The following FCHO2 variants were observed in gnomAD, a reference collection of about 807,000 sequenced individuals.
FCHO2 encodes the protein FCH and mu domain containing endocytic adaptor 2, also known as F-BAR domain only protein 2.
In FCHO2, 43 loss-of-function variants were observed where a neutral mutation model predicts 114.1. The ratio of observed to expected loss-of-function variants is 0.38; its 90% CI spans 0.30 to 0.49. FCHO2 has a LOEUF of 0.49. Among genes scored for constraint, FCHO2 ranks in the 20% least tolerant of loss-of-function variants. FCHO2 has a pLI of 0.97. For missense variants in FCHO2, 807 were observed against 950.4 expected (o/e 0.85, Z 1.98); for synonymous variants, 293 against 315.2 (o/e 0.93, Z 0.75).
rs1743354783 is a variant in FCHO2 at position 73,087,646 on chromosome 5, C to T, written c.2303C>T (p.Thr768Ile). The change falls in exon 25 of 26, where the codon ACA (threonine) becomes ATA (isoleucine). Residue 768 changes from threonine to isoleucine, a missense_variant. Transcript: ENST00000430046. ...DLSEGPSKPTTLAVQFLSEGS... is the reference protein window; with the variant it reads ...DLSEGPSKPTILAVQFLSEGS... ...TCAGAAGGACCTAGTAAACCCACGA[C>T]ACTTGCAGTACAATTCCTCAGCGAG... 1.2e-6 allele frequency: 2 copies of T among 1,613,926 alleles called. No individual in the cohort carries two copies. The highest frequency in any genetic ancestry group is 1.3e-5 in the African/African-American group (1 of 75,044).
chr5:72,998,979 A>G (rs1754281704), intron 5 of FCHO2, among the ~76,000 whole-genome samples: 1 of 151,782 alleles, frequency 6.6e-6, no homozygotes, highest in Non-Finnish European at 1.5e-5. Flanking sequence ...CACAGGTGTG[A>G]ATCATCAGGC....
chr5:73,082,902 T>G, intron 24 of FCHO2, 77 bp downstream of exon 24: 11 of 1,196,986 alleles, frequency 9.2e-6, no homozygotes, highest in Non-Finnish European at 1.3e-5. Context: ...TAAAACAGAG[T>G]CTAGCTTTGT....
intron 8 of FCHO2, among the ~76,000 whole-genome samples, chr5:73,032,510 G>C (rs181548665): frequency 6.6e-6 from 1 of 152,168 alleles, no homozygotes; most frequent in Admixed American, 6.5e-5. Context: ...TGTTTAAAGG[G>C]ACTGATTTTA....
At chr5:73,024,428 C>CT (rs531079627) in intron 8 of FCHO2, among the ~76,000 whole-genome samples, 1,951 of 144,530 alleles carry the variant, frequency 0.013, 14 homozygotes, top group Non-Finnish European at 0.021. Context: ...AGCAGTGAGA[C>CT]TTTTTTTTTT....
At chr5:73,002,642 A>C (rs767681300) in intron 5 of FCHO2, among the ~76,000 whole-genome samples, 3 of 152,234 alleles carry the variant, frequency 2.0e-5, no homozygotes, top group African/African-American at 7.2e-5. Context: ...GATTTATTCA[A>C]ATATTTTTCT....
chr5:73,004,212 T>C (rs1754594420), intron 5 of FCHO2, among the ~76,000 whole-genome samples: 1 of 152,176 alleles, frequency 6.6e-6, no homozygotes, highest in Non-Finnish European at 1.5e-5. Flanking sequence ...TATAATTGTT[T>C]TTAAAATAAA....
chr5:72,985,968 C>G (rs1753499050), intron 2 of FCHO2, among the ~76,000 whole-genome samples: 1 of 152,046 alleles, frequency 6.6e-6, no homozygotes, highest in African/African-American at 2.4e-5. Flanking sequence ...CTCATTCTTT[C>G]TCTTTACTCA....
chr5:72,976,335 T>A (rs1464901734), intron 2 of FCHO2, among the ~76,000 whole-genome samples: 1 of 152,136 alleles, frequency 6.6e-6, no homozygotes, highest in Non-Finnish European at 1.5e-5. Context: ...TTGCCCAGCC[T>A]TGCAAAGTGC....
Position 72,956,115 on chromosome 5 carries a change from G to C in FCHO2, c.19G>C (p.Val7Leu), listed in dbSNP as rs1441030869. The C allele has an allele frequency of 6.5e-7, 1 of 1,541,834 alleles. No homozygotes were observed. Among genetic ancestry groups the C allele is most frequent in the Admixed American group, 2.0e-5 (1 of 50,190 alleles). The change falls in exon 1 of 26, where the codon GTC becomes CTC. Residue 7 changes from valine to leucine, a missense_variant. By Grantham distance (32) the Val-to-Leu change is conservative (BLOSUM62 1). Coordinates refer to ENST00000430046, the MANE Select transcript of FCHO2 (RefSeq NM_138782.3). MVMAYF[V>L]ENFWGEKNSG... ...CGGCACGATGGTCATGGCGTATTTC[G>C]TCGAGAATTTTTGGGTAAGCTTAGG...
intron 8 of FCHO2, among the ~76,000 whole-genome samples, chr5:73,027,969 G>A (rs1273375876): frequency 1.3e-5 from 2 of 152,140 alleles, no homozygotes; most frequent in East Asian, 1.9e-4. Flanking sequence ...AGGCCAAGAT[G>A]TGTGGATTCC....
At position 73,024,345 on chromosome 5, in the gene FCHO2, A is replaced by G. The variant is rs963866570; in HGVS notation, c.796+7037A>G. Among the ~76,000 whole-genome samples, 15 of 152,020 alleles carry G rather than the reference A, an allele frequency of 9.9e-5. No homozygotes were observed. The East Asian group carries it at 2.9e-3, about 29-fold the overall frequency. ...CTGAAGTGCTGGGATTACAGGTGTG[A>G]GCCACTGTGCCTGGCTCATGTTTAT... On this transcript the variant is annotated intron_variant, in intron 8 of 25. Transcript: ENST00000430046.
chr5:73,090,448 A>T lies in FCHO2; in HGVS notation c.*2358A>T, dbSNP rs569693128. 1 of 152,706 alleles carries T rather than the reference A, an allele frequency of 6.5e-6. No individual in the cohort carries two copies. 9.5% of individuals were successfully genotyped at this position (152,706 alleles called of 1,614,324 possible). A position where few individuals can be genotyped will look rare whatever the true frequency, so the allele number is the denominator to read the frequency against. On this transcript the variant is annotated 3_prime_UTR_variant, in exon 26 of 26. Transcript: ENST00000430046. ...ATCTGTCTTCCAAGATTTTGTAAAT[A>T]TTTTTGATTTTTTTCATTAAATGTA...
At position 73,055,917 on chromosome 5, in the gene FCHO2, C is replaced by T. The variant is rs1020815262; in HGVS notation, c.1211-148C>T. The T allele has an allele frequency of 3.7e-5, 20 of 547,724 alleles. No individual in the cohort carries two copies. In the East Asian group the frequency reaches 6.5e-4, roughly 18 times the overall value. The allele number at this position is 547,724 out of a possible 1,614,324, so 33.9% of individuals were successfully genotyped here. On this transcript the variant is annotated intron_variant, in intron 15 of 25. Transcript: ENST00000430046. Reference sequence around the variant, plus strand: ...TTATTTTAATGTACACAATAGAAAACTTGTTAAAATATTGTTTGTATTTAC... The same window carrying T: ...TTATTTTAATGTACACAATAGAAAATTTGTTAAAATATTGTTTGTATTTAC...
intron 2 of FCHO2, among the ~76,000 whole-genome samples, chr5:72,988,054 A>T (rs974073139): frequency 2.6e-5 from 4 of 152,132 alleles, no homozygotes; most frequent in Non-Finnish European, 5.9e-5. Flanking sequence ...AAATGGAGGG[A>T]TGATGGTGGT....
Position 72,989,485 on chromosome 5 carries a change from A to G in FCHO2, c.184A>G (p.Asn62Asp). 6.2e-7 allele frequency: 1 copy of G among 1,603,648 alleles called. No homozygotes were observed. Among genetic ancestry groups the G allele is most frequent in the Non-Finnish European group, 8.5e-7 (1 of 1,174,640 alleles). The change falls in exon 3 of 26, where the codon AAT becomes GAT. Residue 62 changes from asparagine (N) to aspartate (D), a missense_variant. Coordinates refer to ENST00000430046, the MANE Select transcript of FCHO2 (RefSeq NM_138782.3). Reference sequence around the variant, plus strand: ...GACAAAACTAGCAAAATCTGCAAGCAATTATTCACAACTTGGGTGAGTTAA... The same window carrying G: ...GACAAAACTAGCAAAATCTGCAAGCGATTATTCACAACTTGGGTGAGTTAA... ...SMTKLAKSAS[N>D]YSQLGTFAPV...
chr5:72,970,320 G>T (rs1752451812), intron 2 of FCHO2, among the ~76,000 whole-genome samples: 1 of 152,110 alleles, frequency 6.6e-6, no homozygotes, highest in Non-Finnish European at 1.5e-5. Flanking sequence ...TAACAAAACT[G>T]CATACATAGT....
rs145812671 is a variant in FCHO2 at position 73,051,516 on chromosome 5, A to G, written c.997+110A>G. The stretch of plus-strand genomic sequence containing the variant: ...TCCAATTTTTTATTAATTATAAAAT[A>G]TGGTTCCTTGTTTGTCATTTGACAT... On this transcript the variant is annotated intron_variant, in intron 12 of 25. Coordinates refer to ENST00000430046, the MANE Select transcript of FCHO2 (RefSeq NM_138782.3). 1.1e-5 allele frequency: 7 copies of G among 664,050 alleles called. No homozygotes were observed. The Admixed American group carries it at 1.8e-4, about 17-fold the overall frequency. The allele number at this position is 664,050 out of a possible 1,614,324, so 41.1% of individuals were successfully genotyped here.
chr5:73,074,253 A>G (rs530579803), intron 19 of FCHO2, among the ~76,000 whole-genome samples: 1 of 152,104 alleles, frequency 6.6e-6, no homozygotes, highest in Non-Finnish European at 1.5e-5. Flanking sequence ...TAATGTGGGA[A>G]TACAATACAA....
intron 7 of FCHO2, among the ~76,000 whole-genome samples, chr5:73,016,240 G>A (rs1755301397): frequency 6.6e-6 from 1 of 151,918 alleles, no homozygotes; most frequent in African/African-American, 2.4e-5. Context: ...CTTGAGCCCA[G>A]AAGTTTGAGA....
Sources: allele counts gnomAD v4.1 joint callset (sites outside exome capture counted in the v4.1 genomes callset), GRCh38; gene constraint gnomAD v4.1.1; transcripts MANE v1.5; gene names NCBI Gene and HGNC (gene_info 2026-07-23, HGNC 2026-07-21).